MEGF11: variants seen among roughly 807,000 people sequenced by gnomAD.
MEGF11 encodes the protein multiple EGF like domains 11, also known as multiple epidermal growth factor-like domains protein 11.
A neutral mutation model predicts 146.6 loss-of-function variants in MEGF11; 126 were observed. The ratio of observed to expected loss-of-function variants is 0.86; its 90% CI spans 0.74 to 1.00. The LOEUF (loss-of-function observed/expected upper bound fraction) is 1.00, where lower values mean the gene tolerates loss of function less well. Ranked by LOEUF, MEGF11 falls within the 50% of genes least tolerant of loss-of-function variation. The pLI is 0.00. For missense variants in MEGF11, 1,509 were observed against 1,521.2 expected (o/e 0.99, Z 0.13); for synonymous variants, 532 against 583.4 (o/e 0.91, Z 1.27).
At chr15:65,963,089 T>A (rs956431161) in intron 9 of MEGF11, among the ~76,000 whole-genome samples, 1 of 152,138 alleles carries the variant, frequency 6.6e-6, no homozygotes, top group South Asian at 2.1e-4. Flanking sequence ...CTTGGTTAGA[T>A]TTCTGTGGCA....
Position 66,137,615 on chromosome 15 carries a change from C to T in MEGF11, c.-8-9204G>A, listed in dbSNP as rs144769269. ...TCATCCAGGCTGGAGTGCGGTGGCA[C>T]GGTCACAGCTCACTGCAGCTTTGAC... On this transcript the variant is annotated intron_variant, in intron 1 of 25. Coordinates refer to ENST00000395614, the MANE Select transcript of MEGF11 (RefSeq NM_001385028.1). 1.0e-4 allele frequency among the ~76,000 whole-genome samples: 15 copies of T among 150,240 alleles called. No homozygotes were observed. In the East Asian group the frequency reaches 2.8e-3, roughly 28 times the overall value.
chr15:66,016,786 G>A (rs12592821), intron 5 of MEGF11, among the ~76,000 whole-genome samples: 27,427 of 152,110 alleles, frequency 0.18, 2,796 homozygotes, highest in East Asian at 0.51. Context: ...TTCAAATGCC[G>A]TGGGAATTAG....
chr15:65,985,624 G>T (rs969443003), intron 5 of MEGF11, among the ~76,000 whole-genome samples: 1 of 152,148 alleles, frequency 6.6e-6, no homozygotes, highest in African/African-American at 2.4e-5. Context: ...AAAACTAGCC[G>T]CCTGATAAGG....
Position 66,089,374 on chromosome 15 carries a change from C to T in MEGF11, c.394+5028G>A, listed in dbSNP as rs7180927. Among the ~76,000 whole-genome samples, 482 of 152,212 alleles carry T rather than the reference C, an allele frequency of 3.2e-3. 5 individuals are homozygous for T. Among genetic ancestry groups the T allele is most frequent in the African/African-American group, 0.011 (438 of 41,508 alleles). ...CTTATCCTGCACTTTGTCCTAAGTG[C>T]GTGGATAACACCAGTTTGGTGGAAT... On this transcript the variant is annotated intron_variant, in intron 5 of 25. Coordinates refer to ENST00000395614, the MANE Select transcript of MEGF11 (RefSeq NM_001385028.1).
chr15:66,103,516 TGTAA>T (rs1165965272), intron 4 of MEGF11, among the ~76,000 whole-genome samples: 1 of 152,166 alleles, frequency 6.6e-6, no homozygotes, highest in Non-Finnish European at 1.5e-5. Flanking sequence ...GTTTGTGCTA[TGTAA>T]GTGTTAGCTA....
intron 1 of MEGF11, among the ~76,000 whole-genome samples, chr15:66,209,983 C>T (rs781402585): frequency 6.6e-6 from 1 of 152,074 alleles, no homozygotes; most frequent in Non-Finnish European, 1.5e-5. Context: ...CCACACCTGG[C>T]TAATTTTTTA....
chr15:66,110,790 G>C (rs1031272742), intron 4 of MEGF11, among the ~76,000 whole-genome samples: 1 of 152,110 alleles, frequency 6.6e-6, no homozygotes, highest in African/African-American at 2.4e-5. Flanking sequence ...GGGAGAGGCT[G>C]AGTTTCAGAC....
At chr15:66,136,529 C>A (rs528648167) in intron 1 of MEGF11, among the ~76,000 whole-genome samples, 4 of 152,332 alleles carry the variant, frequency 2.6e-5, no homozygotes, top group African/African-American at 4.8e-5. Context: ...CCCGACCGAC[C>A]TAGGCCAGGG....
intron 5 of MEGF11, among the ~76,000 whole-genome samples, chr15:66,034,394 G>A (rs549087417): frequency 1.9e-5 from 1 of 53,172 alleles, no homozygotes; most frequent in African/African-American, 4.9e-5. Flanking sequence ...GGGGTGGAAT[G>A]CTGGTTTTTT....
intron 5 of MEGF11, among the ~76,000 whole-genome samples, chr15:66,091,300 C>A (rs990712502): frequency 6.6e-6 from 1 of 152,210 alleles, no homozygotes; most frequent in African/African-American, 2.4e-5. Context: ...AAGCTGGTAA[C>A]AATTTGCGTC....
chr15:66,094,133 C>T (rs1351214528), intron 5 of MEGF11, among the ~76,000 whole-genome samples: 1 of 152,124 alleles, frequency 6.6e-6, no homozygotes, highest in Non-Finnish European at 1.5e-5. Flanking sequence ...TAGAGGTGTT[C>T]CATCAAAAGT....
At chr15:66,175,844 T>A (rs2090376180) in intron 1 of MEGF11, among the ~76,000 whole-genome samples, 1 of 152,132 alleles carries the variant, frequency 6.6e-6, no homozygotes, top group Non-Finnish European at 1.5e-5. Flanking sequence ...ACTAAAAAGT[T>A]CTACACAACA....
intron 5 of MEGF11, among the ~76,000 whole-genome samples, chr15:66,035,908 T>C (rs2140265281): frequency 6.6e-6 from 1 of 152,384 alleles, no homozygotes; most frequent in African/African-American, 2.4e-5. Context: ...CGGGTGAATC[T>C]GTGGCTGATG....
At chr15:66,001,780 A>G (rs1290993370) in intron 5 of MEGF11, among the ~76,000 whole-genome samples, 2 of 152,002 alleles carry the variant, frequency 1.3e-5, no homozygotes, top group Non-Finnish European at 1.5e-5. Flanking sequence ...GTTTGAACCA[A>G]AGGGGGTCCC....
At chr15:65,909,557 G>A (rs2141177540) in intron 22 of MEGF11, among the ~76,000 whole-genome samples, 183 bp downstream of exon 22, 1 of 152,224 alleles carries the variant, frequency 6.6e-6, no homozygotes, top group East Asian at 1.9e-4. Flanking sequence ...CAGGGACTTA[G>A]CCCTAATATA....
chr15:66,220,814 G>A (rs2091716933), intron 1 of MEGF11, among the ~76,000 whole-genome samples: 1 of 152,122 alleles, frequency 6.6e-6, no homozygotes, highest in South Asian at 2.1e-4. Context: ...TAGGGTTACA[G>A]GCATGTGCTA....
chr15:65,965,382 G>T, intron 8 of MEGF11: 1 of 413,678 alleles, frequency 2.4e-6, no homozygotes, highest in East Asian at 3.6e-5. Context: ...TTGATTCCAA[G>T]CCTAATAATT....
At chr15:65,965,146 G>A in intron 8 of MEGF11, 26 bp from the exon 9 acceptor site, 1 of 1,540,196 alleles carries the variant, frequency 6.5e-7, no homozygotes, top group Admixed American at 1.8e-5. Context: ...GTGGGGCTGA[G>A]GCTGTGGGCC....
intron 1 of MEGF11, among the ~76,000 whole-genome samples, chr15:66,191,940 T>G (rs1364672617): frequency 6.6e-6 from 1 of 151,466 alleles, no homozygotes; most frequent in Non-Finnish European, 1.5e-5. Flanking sequence ...TAGCTGGGCA[T>G]GGTGGCACGC....
Sources: gnomAD v4.1 joint callset for allele counts (sites outside exome capture counted in the v4.1 genomes callset) on GRCh38, gnomAD v4.1.1 for gene constraint, MANE v1.5 for transcripts, NCBI Gene and HGNC (gene_info 2026-07-23, HGNC 2026-07-21) for gene names.